CHRNA7: variants seen among roughly 807,000 people sequenced by gnomAD.
The protein encoded by CHRNA7 is neuronal acetylcholine receptor subunit alpha-7.
A neutral mutation model predicts 48.0 loss-of-function variants in CHRNA7; 17 were observed. That is an observed-to-expected ratio of 0.35 (90% CI 0.24 to 0.53). The LOEUF (loss-of-function observed/expected upper bound fraction) is 0.53, where lower values mean the gene tolerates loss of function less well. Ranked by LOEUF, CHRNA7 falls within the 20% of genes least tolerant of loss-of-function variation. The pLI, the probability that CHRNA7 is intolerant of heterozygous loss-of-function variation, is 0.92. For missense variants in CHRNA7, 155 were observed against 577.7 expected, an observed-to-expected ratio of 0.27 and a Z score of 7.50; for synonymous variants, 75 against 242.3, an observed-to-expected ratio of 0.31 and a Z score of 6.41.
In CHRNA7 at chr15:32,133,892, A is replaced by G. The variant is rs371834174; in HGVS notation, c.351-20015A>G. On this transcript the variant is annotated intron_variant, in intron 4 of 9. Coordinates refer to ENST00000306901, the MANE Select transcript of CHRNA7 (RefSeq NM_000746.6). ...CAGGATCTCCATAGACACGGTAGCAACACAGGTTGGGGATTCATTCCAGTA... is the reference window on the plus strand; with the variant it reads ...CAGGATCTCCATAGACACGGTAGCAGCACAGGTTGGGGATTCATTCCAGTA... 1.4e-3 allele frequency among the ~76,000 whole-genome samples: 213 copies of G among 152,314 alleles called. 2 individuals are homozygous for G. The South Asian group carries it at 0.033, about 23-fold the overall frequency.
chr15:32,068,407 ATAAAT>A (rs2050000236), intron 2 of CHRNA7, among the ~76,000 whole-genome samples: 1 of 152,224 alleles, frequency 6.6e-6, no homozygotes, highest in African/African-American at 2.4e-5. Context: ...GATTGACAGA[ATAAAT>A]TAATAATTTG....
Position 32,101,475 on chromosome 15 carries a change from G to T in CHRNA7, c.240+128G>T, listed in dbSNP as rs2050572155. ...GGAAAAAAAACCAAAAAAACAAAAG[G>T]CCATGGCTGTCACACCAACTCCACA... On this transcript the variant is annotated intron_variant, in intron 3 of 9. Transcript: ENST00000306901. The T allele has an allele frequency of 4.0e-6, 4 of 988,488 alleles. No homozygotes were observed. The East Asian group carries it at 9.8e-5, about 24-fold the overall frequency. The allele number at this position is 988,488 out of a possible 1,614,324, so 61.2% of individuals were successfully genotyped here.
chr15:32,115,423 C>G (rs1240174782), intron 4 of CHRNA7, among the ~76,000 whole-genome samples: 1 of 152,064 alleles, frequency 6.6e-6, no homozygotes, highest in Non-Finnish European at 1.5e-5. Context: ...TCTGCCCCCC[C>G]TTGCTGGCTG....
rs1396572359 is a variant in CHRNA7 at position 32,149,731 on chromosome 15, T to C, written c.351-4176T>C. On this transcript the variant is annotated intron_variant, in intron 4 of 9. Coordinates refer to ENST00000306901, the MANE Select transcript of CHRNA7 (RefSeq NM_000746.6). The surrounding 1 kb of genome is among the most constrained non-coding windows in gnomAD (Gnocchi z 4.6). ...TGGATGAAAAACATTCAGAAATCAC[T>C]GAGTCACAAATCACTGAGTCACAGG... Among the ~76,000 whole-genome samples the C allele has an allele frequency of 6.6e-6, 1 of 152,050 alleles. No individual in the cohort carries two copies. Among genetic ancestry groups the C allele is most frequent in the African/African-American group, 2.4e-5 (1 of 41,324 alleles).
chr15:32,166,401 C>T (rs1335573472), intron 9 of CHRNA7: 2 of 152,228 alleles, frequency 1.3e-5, no homozygotes, highest in South Asian at 4.1e-4. Flanking sequence ...CCAGGACACG[C>T]AGAGTGCCGC....
chr15:32,080,056 T>A (rs1274370599), intron 2 of CHRNA7, among the ~76,000 whole-genome samples: 1 of 152,178 alleles, frequency 6.6e-6, no homozygotes, highest in Non-Finnish European at 1.5e-5. Flanking sequence ...GGGGAAAGGA[T>A]TTCCTATTTA....
intron 2 of CHRNA7, among the ~76,000 whole-genome samples, chr15:32,063,226 T>G (rs2049908757): frequency 6.6e-6 from 1 of 151,002 alleles, no homozygotes; most frequent in African/African-American, 2.4e-5. Flanking sequence ...ACACTTAGAC[T>G]ACACTAAATT....
intron 4 of CHRNA7, among the ~76,000 whole-genome samples, chr15:32,117,667 C>T (rs914121583): frequency 2.6e-5 from 4 of 152,162 alleles, no homozygotes; most frequent in African/African-American, 4.8e-5. Flanking sequence ...GAGCCCAAGC[C>T]TGCATCCCAG....
chr15:32,111,104 A>G (rs1291811233), intron 3 of CHRNA7: 1 of 152,152 alleles, frequency 6.6e-6, no homozygotes, highest in Non-Finnish European at 1.5e-5. Context: ...CCTCGGAGGG[A>G]TGACCCCAGA....
At chr15:32,127,930 G>A (rs971705845) in intron 4 of CHRNA7, among the ~76,000 whole-genome samples, 1 of 151,976 alleles carries the variant, frequency 6.6e-6, no homozygotes, top group Non-Finnish European at 1.5e-5. Context: ...TGTTCTAAAA[G>A]TTTCACATTT....
intron 2 of CHRNA7, among the ~76,000 whole-genome samples, chr15:32,048,707 G>T (rs997858381): frequency 1.3e-5 from 2 of 151,806 alleles, no homozygotes; most frequent in Non-Finnish European, 2.9e-5. Context: ...CTTGCCTTCT[G>T]CTAGCTTTTG....
chr15:32,094,221 G>A (rs1267480456), intron 2 of CHRNA7, among the ~76,000 whole-genome samples: 1 of 152,172 alleles, frequency 6.6e-6, no homozygotes, highest in East Asian at 1.9e-4. Flanking sequence ...AGGATCCAAG[G>A]CTTGAAGGAA....
intron 2 of CHRNA7, among the ~76,000 whole-genome samples, chr15:32,059,944 CAAAAAAAAAAAAAAAAAAAA>C (rs34200550): frequency 3.0e-5 from 1 of 33,052 alleles, no homozygotes; most frequent in Non-Finnish European, 4.9e-5. Context: ...AGTAGAAAAG[CAAAAAAAAAAAAAAAAAAAA>C]AAAAAAAAAA....
chr15:32,058,598 T>C (rs150877782), intron 2 of CHRNA7, among the ~76,000 whole-genome samples: 222 of 152,258 alleles, frequency 1.5e-3, no homozygotes, highest in Non-Finnish European at 2.1e-3. Flanking sequence ...ATAGAGGAAA[T>C]GAACACAGAG....
chr15:32,144,847 G>A (rs1309249071), intron 4 of CHRNA7, among the ~76,000 whole-genome samples: 3 of 152,066 alleles, frequency 2.0e-5, no homozygotes, highest in Non-Finnish European at 2.9e-5. Context: ...TAGCTTCCTT[G>A]CAATGGGTTC....
intron 2 of CHRNA7, among the ~76,000 whole-genome samples, chr15:32,048,083 T>C (rs1188959001): frequency 2.0e-5 from 3 of 152,226 alleles, no homozygotes; most frequent in African/African-American, 7.2e-5. Flanking sequence ...CAGTATTTTA[T>C]TGAGGATTTT....
chr15:32,037,317 T>G (rs1382161145), intron 2 of CHRNA7, among the ~76,000 whole-genome samples: 1 of 152,222 alleles, frequency 6.6e-6, no homozygotes, highest in African/African-American at 2.4e-5. Flanking sequence ...AATAACACAG[T>G]CTTGATTACT....
chr15:32,099,730 A>G (rs931164401), intron 2 of CHRNA7: 1 of 152,208 alleles, frequency 6.6e-6, no homozygotes, highest in Non-Finnish European at 1.5e-5. Context: ...CTTCCCAATA[A>G]TATTGGAGCT....
chr15:32,091,085 C>G (rs1424328902), intron 2 of CHRNA7, among the ~76,000 whole-genome samples: 1 of 152,056 alleles, frequency 6.6e-6, no homozygotes, highest in East Asian at 1.9e-4. Flanking sequence ...CTTTTGTTTT[C>G]TTCCAAATCT....
Sources: allele counts gnomAD v4.1 joint callset (sites outside exome capture counted in the v4.1 genomes callset), GRCh38; gene constraint gnomAD v4.1.1; non-coding constraint Gnocchi (gnomAD v3.1); transcripts MANE v1.5; gene names NCBI Gene and HGNC (gene_info 2026-07-23, HGNC 2026-07-21).